Variants in ADAMTSL1 observed in about 807,000 individuals in gnomAD.
ADAMTSL1 encodes ADAMTS-like protein 1.
A neutral mutation model predicts 201.8 loss-of-function variants in ADAMTSL1; 126 were observed. The observed-to-expected ratio is 0.62, with a 90% CI of 0.54 to 0.72. The LOEUF (loss-of-function observed/expected upper bound fraction) is 0.72. Ranked by LOEUF, ADAMTSL1 falls within the 30% of genes least tolerant of loss-of-function variation. The pLI is 0.00. For synonymous variants in ADAMTSL1, 1,121 were observed against 903.4 expected (o/e 1.24, Z -4.32); for missense variants, 2,679 against 2,277.8 (o/e 1.18, Z -3.59).
chr9:18,035,926 A>G (rs997697585), intron 1 of ADAMTSL1, among the ~76,000 whole-genome samples: 2 of 152,144 alleles, frequency 1.3e-5, no homozygotes, highest in Non-Finnish European at 2.9e-5. Context: ...GGTGATGGGG[A>G]CCTATAGTGG....
intron 1 of ADAMTSL1, among the ~76,000 whole-genome samples, chr9:18,027,586 T>C (rs573265192): frequency 1.3e-5 from 2 of 152,074 alleles, no homozygotes; most frequent in Non-Finnish European, 2.9e-5. Context: ...GTATGCTTGG[T>C]ATGACTTAAA....
chr9:18,765,331 G>A (rs1820296795), intron 16 of ADAMTSL1, among the ~76,000 whole-genome samples: 1 of 152,108 alleles, frequency 6.6e-6, no homozygotes, highest in African/African-American at 2.4e-5. Context: ...TATGTCTGAA[G>A]GACTCAATAG....
intron 1 of ADAMTSL1, among the ~76,000 whole-genome samples, chr9:17,917,006 CAT>C (rs1174617150): frequency 7.2e-5 from 11 of 152,038 alleles, no homozygotes; most frequent in South Asian, 2.1e-4. Context: ...ATTAATATTT[CAT>C]ATGTTATGCT....
chr9:18,849,472 G>A (rs1222630471), intron 23 of ADAMTSL1, among the ~76,000 whole-genome samples: 1 of 152,128 alleles, frequency 6.6e-6, no homozygotes, highest in East Asian at 1.9e-4. Flanking sequence ...AAGACTAAGG[G>A]CATCACTACT....
chr9:18,006,099 G>A (rs1819810887), intron 1 of ADAMTSL1, among the ~76,000 whole-genome samples: 1 of 151,630 alleles, frequency 6.6e-6, no homozygotes, highest in South Asian at 2.1e-4. Flanking sequence ...AAAAAAAAAA[G>A]AAAGCTACCT....
intron 22 of ADAMTSL1, 149 bp downstream of exon 22, chr9:18,826,612 G>C: frequency 1.0e-6 from 1 of 975,088 alleles, no homozygotes; most frequent in Non-Finnish European, 1.5e-6. Flanking sequence ...AGGGCCTTTC[G>C]ATAGAACACA....
chr9:18,433,545 G>A (rs1819589842), intron 2 of ADAMTSL1, among the ~76,000 whole-genome samples: 1 of 152,058 alleles, frequency 6.6e-6, no homozygotes, highest in Non-Finnish European at 1.5e-5. Flanking sequence ...TAATAGACTT[G>A]ATCTTAATAT....
chr9:17,988,769 T>C (rs1819026938), intron 1 of ADAMTSL1, among the ~76,000 whole-genome samples: 1 of 151,994 alleles, frequency 6.6e-6, no homozygotes, highest in Admixed American at 6.6e-5. Flanking sequence ...GAAGACAATA[T>C]ACATAGTGAA....
intron 19 of ADAMTSL1, among the ~76,000 whole-genome samples, chr9:18,779,858 A>G (rs1164120353): frequency 6.6e-6 from 1 of 152,202 alleles, no homozygotes; most frequent in African/African-American, 2.4e-5. Context: ...CAGTCAGTTT[A>G]TCAAGTGTAG....
chr9:18,065,942 A>G (rs1469242791), intron 1 of ADAMTSL1, among the ~76,000 whole-genome samples: 1 of 126,448 alleles, frequency 7.9e-6, no homozygotes, highest in African/African-American at 3.1e-5. Flanking sequence ...GATCGCCCCC[A>G]CTGCACTCCA....
intron 13 of ADAMTSL1, among the ~76,000 whole-genome samples, chr9:18,698,237 A>G (rs1221468316): frequency 6.6e-6 from 1 of 152,162 alleles, no homozygotes; most frequent in East Asian, 1.9e-4. Context: ...TCATTGATGA[A>G]CACATTGGAA....
Position 18,534,880 on chromosome 9 carries a change from A to C in ADAMTSL1, c.237+1588A>C, listed in dbSNP as rs60583241. ...GACACAGGGCACCAAGTCCATCCAG[A>C]GGCTGCCTAGAGCAGGGGGCCACAG... On this transcript the variant is annotated intron_variant, in intron 3 of 28. Transcript: ENST00000380548. 4.6e-3 allele frequency among the ~76,000 whole-genome samples: 707 copies of C among 152,322 alleles called. 6 individuals are homozygous for C. Among genetic ancestry groups the C allele is most frequent in the African/African-American group, 0.016 (680 of 41,576 alleles).
intron 2 of ADAMTSL1, among the ~76,000 whole-genome samples, chr9:18,253,854 G>C (rs1203785661): frequency 1.3e-5 from 2 of 152,158 alleles, no homozygotes; most frequent in East Asian, 1.9e-4. Context: ...TAGTTCTTAG[G>C]TAGTGGGACG....
At chr9:18,248,353 T>G (rs1831339688) in intron 2 of ADAMTSL1, among the ~76,000 whole-genome samples, 1 of 152,146 alleles carries the variant, frequency 6.6e-6, no homozygotes, top group South Asian at 2.1e-4. Context: ...TGTAAAAAGC[T>G]TGGCTTCCCA....
intron 20 of ADAMTSL1, among the ~76,000 whole-genome samples, chr9:18,798,096 A>G (rs199545639): frequency 4.1e-5 from 3 of 72,872 alleles, no homozygotes; most frequent in Non-Finnish European, 1.1e-4. Flanking sequence ...GCCAAAGAGG[A>G]AAAAAAAAAA....
At chr9:18,218,353 C>A (rs1830130264) in intron 2 of ADAMTSL1, among the ~76,000 whole-genome samples, 1 of 152,100 alleles carries the variant, frequency 6.6e-6, no homozygotes, top group Middle Eastern at 3.2e-3. Context: ...GATATTAAGT[C>A]CATGCTATTT....
chr9:18,833,264 T>C (rs1196997738), intron 23 of ADAMTSL1, among the ~76,000 whole-genome samples: 1 of 152,206 alleles, frequency 6.6e-6, no homozygotes, highest in Non-Finnish European at 1.5e-5. Flanking sequence ...TGTCTTTAGG[T>C]CTTTGAGGAA....
rs138247080 is a variant in ADAMTSL1 at position 18,530,042 on chromosome 9, T to C, written c.192-3205T>C. On this transcript the variant is annotated intron_variant, in intron 2 of 28. Coordinates refer to ENST00000380548, the MANE Select transcript of ADAMTSL1 (RefSeq NM_001040272.6). ...GTGTAGGTATTTGCAGGTTAAAATA[T>C]CGGGGAAAAGGCTCATTTAAACTAT... Among the ~76,000 whole-genome samples, 12 of 152,302 alleles carry C rather than the reference T, an allele frequency of 7.9e-5. No homozygotes were observed. In the East Asian group the frequency reaches 2.3e-3, roughly 29 times the overall value.
At chr9:18,356,626 C>CAG (rs1166911903) in intron 2 of ADAMTSL1, among the ~76,000 whole-genome samples, 1 of 150,758 alleles carries the variant, frequency 6.6e-6, no homozygotes, top group African/African-American at 2.4e-5. Context: ...CACACACACA[C>CAG]ACACACACAC....
Sources: gnomAD v4.1 joint callset for allele counts (sites outside exome capture counted in the v4.1 genomes callset) on GRCh38, gnomAD v4.1.1 for gene constraint, MANE v1.5 for transcripts, NCBI Gene and HGNC (gene_info 2026-07-23, HGNC 2026-07-21) for gene names.